Variants in TENM3 observed in about 807,000 individuals in gnomAD.
TENM3 encodes the protein teneurin-3.
Under a neutral mutation model 255.1 loss-of-function variants are expected in TENM3, and 63 were observed. The observed-to-expected ratio is 0.25, with a 90% CI of 0.20 to 0.30. The LOEUF is 0.30. TENM3 is among the 10% of genes least tolerant of loss of function. The probability of loss-of-function intolerance (pLI) is 1.00; values close to 1 mark genes in which losing one functional copy is unlikely to be tolerated. For synonymous variants in TENM3, 1,306 were observed against 1,322.3 expected, an observed-to-expected ratio of 0.99 and a Z score of 0.27; for missense variants, 2,929 against 3,461.1, an observed-to-expected ratio of 0.85 and a Z score of 3.86.
At chr4:181,901,555 G>A in the TENM3 span, among the ~76,000 whole-genome samples, 1 of 152,200 alleles carries the variant, frequency 6.6e-6, no homozygotes, top group South Asian at 2.1e-4. Flanking sequence ...AATATGTCGT[G>A]AGAGTCTATG....
intron 6 of TENM3, among the ~76,000 whole-genome samples, chr4:182,664,568 T>G (rs1285820526): frequency 6.6e-6 from 1 of 152,112 alleles, no homozygotes; most frequent in Non-Finnish European, 1.5e-5. Context: ...TTAAGCTTAG[T>G]GGGGAAGGCA....
At chr4:181,911,751 G>T in the TENM3 span, among the ~76,000 whole-genome samples, 3 of 152,052 alleles carry the variant, frequency 2.0e-5, no homozygotes, top group Non-Finnish European at 4.4e-5. Flanking sequence ...TGATTTACAG[G>T]AATATATTAG....
the TENM3 span, among the ~76,000 whole-genome samples, chr4:181,989,206 A>T: frequency 2.0e-5 from 3 of 152,096 alleles, no homozygotes; most frequent in Non-Finnish European, 4.4e-5. Flanking sequence ...AAAGGAGGAC[A>T]ATTTCCAGGA....
At chr4:181,960,212 A>G in the TENM3 span, among the ~76,000 whole-genome samples, 3 of 152,208 alleles carry the variant, frequency 2.0e-5, no homozygotes, top group Admixed American at 2.0e-4. Flanking sequence ...AGGAAGAGCT[A>G]TTCTTTTAGA....
the TENM3 span, among the ~76,000 whole-genome samples, chr4:181,778,663 G>A: frequency 6.6e-6 from 1 of 152,064 alleles, no homozygotes; most frequent in Non-Finnish European, 1.5e-5. Flanking sequence ...GACATTCTTA[G>A]CAAGGGAAGG....
chr4:182,099,436 A>G, the TENM3 span, among the ~76,000 whole-genome samples: 1 of 152,234 alleles, frequency 6.6e-6, no homozygotes, highest in East Asian at 1.9e-4. Context: ...GACAAACTAT[A>G]GCCTATAGGC....
At chr4:181,520,686 A>G in the TENM3 span, among the ~76,000 whole-genome samples, 3 of 152,272 alleles carry the variant, frequency 2.0e-5, no homozygotes, top group Non-Finnish European at 4.4e-5. Flanking sequence ...AAGAAAAAGA[A>G]AAGTCTTTTC....
the TENM3 span, among the ~76,000 whole-genome samples, chr4:181,688,013 ATGTAAATCACTTT>A: frequency 2.6e-5 from 4 of 152,274 alleles, no homozygotes; most frequent in African/African-American, 7.2e-5. Flanking sequence ...ACATTAATTT[ATGTAAATCACTTT>A]TGTAAATCAC....
the TENM3 span, among the ~76,000 whole-genome samples, chr4:181,703,816 T>C: frequency 9.9e-5 from 15 of 152,194 alleles, no homozygotes; most frequent in Admixed American, 9.8e-4. Context: ...TCTTTTTCCT[T>C]ACCTGTGTAA....
chr4:182,654,960 G>A (rs771774780), intron 6 of TENM3, among the ~76,000 whole-genome samples: 3 of 151,952 alleles, frequency 2.0e-5, no homozygotes, highest in Non-Finnish European at 4.4e-5. Context: ...TGAATCCCCC[G>A]CCATATGGAA....
intron 1 of TENM3, among the ~76,000 whole-genome samples, chr4:182,275,111 C>T (rs753301252): frequency 3.9e-5 from 6 of 152,158 alleles, no homozygotes; most frequent in Non-Finnish European, 7.3e-5. Context: ...AGGCTTGAGC[C>T]ACCGCACCCA....
intron 1 of TENM3, among the ~76,000 whole-genome samples, chr4:182,312,660 G>A (rs1185593853): frequency 2.0e-5 from 3 of 152,222 alleles, no homozygotes; most frequent in Non-Finnish European, 2.9e-5. Context: ...GGCTCATGCC[G>A]AAGCGCAGGT....
At chr4:181,950,906 G>A in the TENM3 span, among the ~76,000 whole-genome samples, 19 of 152,024 alleles carry the variant, frequency 1.2e-4, no homozygotes, top group Admixed American at 2.0e-4. Flanking sequence ...GCCAGGCATG[G>A]TAGCATGTGC....
intron 1 of TENM3, among the ~76,000 whole-genome samples, chr4:182,217,057 C>G (rs992830290): frequency 8.3e-6 from 1 of 120,672 alleles, no homozygotes; most frequent in Non-Finnish European, 1.6e-5. Context: ...GAGTCTCACT[C>G]TGTCCCAGGC....
At chr4:182,082,438 A>G in the TENM3 span, among the ~76,000 whole-genome samples, 3 of 152,244 alleles carry the variant, frequency 2.0e-5, no homozygotes, top group Non-Finnish European at 2.9e-5. Flanking sequence ...CCATAGCAAT[A>G]ATGTACATTC....
chr4:181,448,370 A>G, the TENM3 span, among the ~76,000 whole-genome samples: 1 of 149,900 alleles, frequency 6.7e-6, no homozygotes, highest in African/African-American at 2.5e-5. Context: ...ACGGGGTTTC[A>G]CCGTTTTAGC....
At chr4:182,640,311 G>GA (rs1175439308) in intron 5 of TENM3, among the ~76,000 whole-genome samples, 2 of 152,258 alleles carry the variant, frequency 1.3e-5, no homozygotes, top group Non-Finnish European at 2.9e-5. Context: ...ACCAATACAG[G>GA]AATCACTGCT....
chr4:181,492,852 A>G, the TENM3 span, among the ~76,000 whole-genome samples: 1 of 152,172 alleles, frequency 6.6e-6, no homozygotes, highest in Non-Finnish European at 1.5e-5. Flanking sequence ...ATTTAATGTT[A>G]CTTTCTCTGG....
rs748624518 is a variant in TENM3 at position 182,753,551 on chromosome 4, G to A, written c.3964G>A (p.Asp1322Asn). 9 of 1,613,896 alleles carry A rather than the reference G, an allele frequency of 5.6e-6. No individual in the cohort carries two copies. In the Admixed American group the frequency reaches 8.3e-5, roughly 15 times the overall value. The change falls in exon 21 of 28, where the codon GAT (aspartate) becomes AAT (asparagine). Residue 1322 changes from aspartate (D) to asparagine (N), a missense_variant. Around this residue, in one of 6 missense-constraint regions of TENM3, gnomAD observed 1,608 missense variants for 1,884.4 expected, o/e 0.85. Transcript: ENST00000511685. ...CATATCAACTCTTCTGGGCTCTAAC[G>A]ATTTGACTTCAGCCAGACCTTTAAC... ...GIISTLLGSNDLTSARPLTCD... is the reference protein window; with the variant it reads ...GIISTLLGSNNLTSARPLTCD...
Sources: allele counts gnomAD v4.1 joint callset (sites outside exome capture counted in the v4.1 genomes callset), GRCh38; gene constraint gnomAD v4.1.1; regional missense constraint gnomAD v4.1.1; transcripts MANE v1.5; gene names NCBI Gene and HGNC (gene_info 2026-07-23, HGNC 2026-07-21).